OPHN1: variants seen among roughly 807,000 people sequenced by gnomAD.
OPHN1 encodes the protein oligophrenin 1.
In OPHN1, 11 loss-of-function variants were observed where a neutral mutation model predicts 60.7. The ratio of observed to expected loss-of-function variants is 0.18; its 90% CI spans 0.11 to 0.30. The LOEUF (loss-of-function observed/expected upper bound fraction) is 0.30. Ranked by LOEUF, OPHN1 falls within the 10% of genes least tolerant of loss-of-function variation. The probability of loss-of-function intolerance (pLI) is 1.00; values close to 1 mark genes in which losing one functional copy is unlikely to be tolerated. For missense variants in OPHN1, 449 were observed against 611.0 expected, an observed-to-expected ratio of 0.73 and a Z score of 2.80; for synonymous variants, 226 against 222.6, an observed-to-expected ratio of 1.02 and a Z score of -0.14.
chrX:68,339,077 GAAA>G (rs202083174), intron 2 of OPHN1, among the ~76,000 whole-genome samples: 209 of 92,166 alleles, frequency 2.3e-3, no homozygotes, highest in African/African-American at 7.4e-3. Flanking sequence ...GACCCTGTCT[GAAA>G]AAAAAAAATA....
chrX:68,133,571 G>T, intron 15 of OPHN1: 6 of 393,678 alleles, frequency 1.5e-5, no homozygotes, highest in Non-Finnish European at 9.7e-6. Flanking sequence ...GTTTCTGTAG[G>T]TCCATTTTAT....
At chrX:68,395,969 A>G (rs772373533) in intron 2 of OPHN1, among the ~76,000 whole-genome samples, 1 of 110,905 alleles carries the variant, frequency 9.0e-6, no homozygotes, top group South Asian at 3.8e-4. Flanking sequence ...TTACTTGTTT[A>G]TATTAAGGCA....
intron 2 of OPHN1, among the ~76,000 whole-genome samples, chrX:68,306,159 T>A (rs1182110213): frequency 8.9e-6 from 1 of 112,338 alleles, no homozygotes; most frequent in Non-Finnish European, 1.9e-5. Context: ...ACTAGTTGTC[T>A]GAGCATTGGC....
At chrX:68,150,809 GT>G (rs1728330427) in intron 15 of OPHN1, among the ~76,000 whole-genome samples, 1 of 111,916 alleles carries the variant, frequency 8.9e-6, no homozygotes, top group African/African-American at 3.2e-5. Flanking sequence ...GTACGGAAGA[GT>G]ACCTACATAT....
chrX:68,413,667 A>G (rs2078779860), intron 2 of OPHN1, among the ~76,000 whole-genome samples: 1 of 111,777 alleles, frequency 8.9e-6, no homozygotes, highest in Non-Finnish European at 1.9e-5. Flanking sequence ...GCACTTTGGG[A>G]AGCCAAGGCA....
rs369728397 is a variant in OPHN1, at chrX:68,042,556, C to T, written c.*4616G>A. On this transcript the variant is annotated 3_prime_UTR_variant, in exon 25 of 25. Coordinates refer to ENST00000355520, the MANE Select transcript of OPHN1 (RefSeq NM_002547.3). Reference sequence around the variant, plus strand: ...TATCTTTAAGGTATCTTGTCCTTCGCGAAGGACATGAACAGACACTTCTCA... The same window carrying T: ...TATCTTTAAGGTATCTTGTCCTTCGTGAAGGACATGAACAGACACTTCTCA... 1.4e-3 allele frequency: 156 copies of T among 109,829 alleles called. 1 individual carries two copies. The highest frequency in any genetic ancestry group is 4.8e-3 in the African/African-American group (146 of 30,134). The allele number at this position is 109,829 out of a possible 1,213,427, so 9.1% of individuals were successfully genotyped here.
intron 20 of OPHN1, chrX:68,071,056 G>A (rs763015245): frequency 5.0e-5 from 56 of 1,110,388 alleles, no homozygotes; most frequent in Middle Eastern, 3.4e-4. Context: ...GGTAAAAGCC[G>A]TTCCACCACC....
intron 2 of OPHN1, 87 bp downstream of exon 2, chrX:68,432,780 C>T (rs2078892146): frequency 1.9e-6 from 2 of 1,050,547 alleles, no homozygotes; most frequent in Non-Finnish European, 2.7e-6. Flanking sequence ...AGTCACCCTG[C>T]AATCTCCCTT....
intron 15 of OPHN1, among the ~76,000 whole-genome samples, chrX:68,154,341 C>T (rs1602195286): frequency 8.9e-6 from 1 of 112,539 alleles, no homozygotes; most frequent in Non-Finnish European, 1.9e-5. Context: ...GCCCCTTTCA[C>T]CTATTCAGGC....
chrX:68,073,365 C>T (rs2076942110), intron 19 of OPHN1, 66 bp from the exon 20 acceptor site: 1 of 1,001,792 alleles, frequency 1.0e-6, no homozygotes, highest in East Asian at 3.1e-5. Context: ...TGAATGCTAC[C>T]CACCAGTTGA....
At chrX:68,382,753 T>C (rs2078603886) in intron 2 of OPHN1, among the ~76,000 whole-genome samples, 1 of 111,772 alleles carries the variant, frequency 8.9e-6, no homozygotes, top group South Asian at 3.8e-4. Context: ...ACACTATAAA[T>C]AGGTGAATTT....
intron 17 of OPHN1, among the ~76,000 whole-genome samples, chrX:68,112,810 A>C (rs1440051199): frequency 8.9e-6 from 1 of 112,320 alleles, no homozygotes; most frequent in Non-Finnish European, 1.9e-5. Flanking sequence ...GAACAGGCAA[A>C]ATGCTGAAGG....
At chrX:68,409,520 A>G (rs970408835) in intron 2 of OPHN1, among the ~76,000 whole-genome samples, 1 of 111,864 alleles carries the variant, frequency 8.9e-6, no homozygotes, top group Non-Finnish European at 1.9e-5. Flanking sequence ...TGCTGAGGAC[A>G]ATGTTCAGAA....
chrX:68,316,290 A>G (rs760698524), intron 2 of OPHN1, among the ~76,000 whole-genome samples: 4 of 112,159 alleles, frequency 3.6e-5, no homozygotes, highest in Non-Finnish European at 7.5e-5. Context: ...TTATAGAACA[A>G]CTAAGCAACA....
In OPHN1 at chrX:68,304,248, AT is replaced by A. The variant is rs202165802; in HGVS notation, c.155-5153del. Among the ~76,000 whole-genome samples the A allele has an allele frequency of 9.7e-3, 1,075 of 110,561 alleles. 10 individuals carry two copies. Among genetic ancestry groups the A allele is most frequent in the African/African-American group, 0.018 (557 of 30,378 alleles). On this transcript the variant is annotated intron_variant, in intron 2 of 24. Coordinates refer to ENST00000355520, the MANE Select transcript of OPHN1 (RefSeq NM_002547.3). ...TCAATCTTTTATAAAATAAATGACCATTTTTTTTCAAACATGATTATACCAT... is the reference window on the plus strand; with the variant it reads ...TCAATCTTTTATAAAATAAATGACCATTTTTTTCAAACATGATTATACCAT...
chrX:68,096,505 A>C (rs1230606136), intron 19 of OPHN1, among the ~76,000 whole-genome samples: 1 of 111,501 alleles, frequency 9.0e-6, no homozygotes, highest in African/African-American at 3.3e-5. Context: ...GTGAGAACAT[A>C]AATATCTTCT....
intron 2 of OPHN1, among the ~76,000 whole-genome samples, chrX:68,362,007 T>C (rs1480388732): frequency 8.9e-6 from 1 of 112,316 alleles, no homozygotes; most frequent in Admixed American, 9.5e-5. Context: ...GTTGGCCATT[T>C]ATATGTCTTC....
intron 15 of OPHN1, among the ~76,000 whole-genome samples, chrX:68,184,941 C>G (rs1374017485): frequency 8.9e-6 from 1 of 112,263 alleles, no homozygotes; most frequent in African/African-American, 3.2e-5. Context: ...ACAGGAAGCA[C>G]TGGGGAAAAG....
intron 15 of OPHN1, among the ~76,000 whole-genome samples, chrX:68,161,452 CACTTCATT>C (rs1391446363): frequency 9.0e-6 from 1 of 110,528 alleles, no homozygotes; most frequent in Non-Finnish European, 1.9e-5. Context: ...AAAAATATTC[CACTTCATT>C]ACTTCATTAA....
Sources: allele counts gnomAD v4.1 joint callset (sites outside exome capture counted in the v4.1 genomes callset), GRCh38; gene constraint gnomAD v4.1.1; transcripts MANE v1.5; gene names NCBI Gene and HGNC (gene_info 2026-07-23, HGNC 2026-07-21).